The following CHRNA7 variants were observed in gnomAD, a reference collection of about 807,000 sequenced individuals.
CHRNA7 encodes cholinergic receptor nicotinic alpha 7 subunit.
Under a neutral mutation model 48.0 loss-of-function variants are expected in CHRNA7, and 17 were observed. That is an observed-to-expected ratio of 0.35 (90% CI 0.24 to 0.53). CHRNA7 has a LOEUF of 0.53. Among genes scored for constraint, CHRNA7 ranks in the 20% least tolerant of loss-of-function variants. CHRNA7 has a pLI of 0.92. For synonymous variants in CHRNA7, 75 were observed against 242.3 expected, an observed-to-expected ratio of 0.31 and a Z score of 6.41; for missense variants, 155 against 577.7, an observed-to-expected ratio of 0.27 and a Z score of 7.50.
At chr15:32,152,738 G>C (rs907035105) in intron 4 of CHRNA7, among the ~76,000 whole-genome samples, 2 of 152,216 alleles carry the variant, frequency 1.3e-5, no homozygotes, top group Non-Finnish European at 2.9e-5. Context: ...GTGTTTGGGT[G>C]GGGGTATGGG....
chr15:32,054,167 A>G (rs935144167), intron 2 of CHRNA7, among the ~76,000 whole-genome samples: 1 of 152,216 alleles, frequency 6.6e-6, no homozygotes, highest in Non-Finnish European at 1.5e-5. Flanking sequence ...AAATGAGTTT[A>G]TAATCTAAAG....
At position 32,030,519 on chromosome 15, in the gene CHRNA7, C is replaced by T. The variant is rs1354279973; in HGVS notation, c.-76C>T. The T allele has an allele frequency of 4.5e-6, 6 of 1,335,136 alleles. No individual in the cohort carries two copies. The highest frequency in any genetic ancestry group is 5.7e-6 in the Non-Finnish European group (6 of 1,046,482). 82.7% of individuals were successfully genotyped at this position (1,335,136 alleles called of 1,614,324 possible). ...GCGCGAGCCGAGCGGCGAGGTGCCT[C>T]TGTGGCCGCAGGCGCAGGCCCGGGC... On this transcript the variant is annotated 5_prime_UTR_variant, in exon 1 of 10. Transcript: ENST00000306901.
intron 4 of CHRNA7, among the ~76,000 whole-genome samples, chr15:32,136,126 T>C (rs2051252299): frequency 6.6e-6 from 1 of 152,060 alleles, no homozygotes; most frequent in African/African-American, 2.4e-5. Flanking sequence ...AGCGAAGCAA[T>C]TGGCAAAGAT....
At chr15:32,070,923 A>G (rs1426918115) in intron 2 of CHRNA7, among the ~76,000 whole-genome samples, 1 of 151,918 alleles carries the variant, frequency 6.6e-6, no homozygotes, top group Non-Finnish European at 1.5e-5. Context: ...TCCTGACTTC[A>G]TGATCCGCCC....
chr15:32,136,130 C>T lies in CHRNA7; in HGVS notation c.351-17777C>T, dbSNP rs182091403. On this transcript the variant is annotated intron_variant, in intron 4 of 9. Coordinates refer to ENST00000306901, the MANE Select transcript of CHRNA7 (RefSeq NM_000746.6). ...GAGAAGCAGTGAGCGAAGCAATTGG[C>T]AAAGATTCAGGTACATGTAAACAGA... Among the ~76,000 whole-genome samples the T allele has an allele frequency of 3.1e-3, 477 of 152,064 alleles. 1 individual carries two copies. The highest frequency in any genetic ancestry group is 5.1e-3 in the Non-Finnish European group (345 of 67,992).
rs888301691 is a variant in CHRNA7, at chr15:32,111,647, T to C, written c.241-143T>C. ...TTTGGAAAGGATTTTTGAATTCCCA[T>C]TTTCATTATATTTTATAAATAGCAA... On this transcript the variant is annotated intron_variant, in intron 3 of 9. Coordinates refer to ENST00000306901, the MANE Select transcript of CHRNA7 (RefSeq NM_000746.6). The C allele has an allele frequency of 1.0e-5, 6 of 576,656 alleles. No individual in the cohort carries two copies. In the African/African-American group the frequency reaches 1.1e-4, roughly 11 times the overall value. The allele number at this position is 576,656 out of a possible 1,614,324, so 35.7% of individuals were successfully genotyped here.
chr15:32,109,119 C>T (rs1446135763), intron 3 of CHRNA7, among the ~76,000 whole-genome samples: 1 of 152,156 alleles, frequency 6.6e-6, no homozygotes, highest in East Asian at 1.9e-4. Context: ...ATGGCTACTC[C>T]ATAGAGAGAG....
chr15:32,074,369 T>G (rs927484335), intron 2 of CHRNA7, among the ~76,000 whole-genome samples: 2 of 144,984 alleles, frequency 1.4e-5, no homozygotes, highest in East Asian at 4.3e-4. Context: ...CATAACATAG[T>G]GTTAGAAGTT....
intron 2 of CHRNA7, among the ~76,000 whole-genome samples, chr15:32,084,729 C>T (rs771794924): frequency 1.3e-5 from 2 of 152,212 alleles, no homozygotes; most frequent in Non-Finnish European, 2.9e-5. Context: ...AGTGCAGCCT[C>T]GCTGACTGCT....
chr15:32,078,489 C>A (rs2050167330), intron 2 of CHRNA7, among the ~76,000 whole-genome samples: 1 of 151,902 alleles, frequency 6.6e-6, no homozygotes. Flanking sequence ...ACCTGTTTTT[C>A]TAGTCTCTGC....
intron 2 of CHRNA7, among the ~76,000 whole-genome samples, chr15:32,044,308 C>T (rs893715130): frequency 2.9e-5 from 3 of 105,072 alleles, no homozygotes; most frequent in South Asian, 3.4e-4. Context: ...GATGGAGTCT[C>T]GCTGTGTTGC....
intron 2 of CHRNA7, chr15:32,100,198 T>TC (rs1234714282): frequency 6.6e-6 from 1 of 152,094 alleles, no homozygotes; most frequent in East Asian, 1.9e-4. Context: ...TTGGGTCTTT[T>TC]TTTTTTTGAA....
At chr15:32,052,775 A>T (rs1595390006) in intron 2 of CHRNA7, among the ~76,000 whole-genome samples, 1 of 152,160 alleles carries the variant, frequency 6.6e-6, no homozygotes, top group African/African-American at 2.4e-5. Flanking sequence ...GATGAAAGAT[A>T]TAGTTAGATA....
chr15:32,152,511 G>T (rs1457980514), intron 4 of CHRNA7, among the ~76,000 whole-genome samples: 1 of 152,210 alleles, frequency 6.6e-6, no homozygotes, highest in Non-Finnish European at 1.5e-5. Context: ...GAGGCCGAGA[G>T]AGTGCGGGAA....
intron 2 of CHRNA7, among the ~76,000 whole-genome samples, chr15:32,080,368 A>G (rs1159494720): frequency 6.6e-6 from 1 of 152,208 alleles, no homozygotes; most frequent in Non-Finnish European, 1.5e-5. Flanking sequence ...AGCCTATAGA[A>G]TGTGAGAAAA....
Position 32,031,055 on chromosome 15 carries a change from A to G in CHRNA7, c.195+18A>G. 6.2e-7 allele frequency: 1 copy of G among 1,613,868 alleles called. No individual in the cohort carries two copies. Among genetic ancestry groups the G allele is most frequent in the Non-Finnish European group, 8.5e-7 (1 of 1,179,914 alleles). On this transcript the variant is annotated intron_variant, in intron 2 of 9. Transcript: ENST00000306901. ...TGGACGTGGTGAGTCCCGCCTGGCT[A>G]CAGGGCTGCCCTCTCCCCTTCCTGG...
At chr15:32,093,494 G>A (rs1309436329) in intron 2 of CHRNA7, among the ~76,000 whole-genome samples, 1 of 152,162 alleles carries the variant, frequency 6.6e-6, no homozygotes, top group African/African-American at 2.4e-5. Context: ...CCTCCCCCGG[G>A]CAAGCTCTCT....
At chr15:32,060,561 A>T (rs2049862915) in intron 2 of CHRNA7, among the ~76,000 whole-genome samples, 2 of 152,252 alleles carry the variant, frequency 1.3e-5, no homozygotes, top group Admixed American at 6.5e-5. Flanking sequence ...TTAAGAAAAC[A>T]CAAGAAAAGT....
At chr15:32,101,226 C>T (rs970293711) in intron 2 of CHRNA7, 77 bp from the exon 3 acceptor site, 2 of 1,475,480 alleles carry the variant, frequency 1.4e-6, no homozygotes, top group Non-Finnish European at 1.9e-6. Flanking sequence ...CAGTCAGATC[C>T]CCATGTGAAT....
Sources: allele counts gnomAD v4.1 joint callset (sites outside exome capture counted in the v4.1 genomes callset), GRCh38; gene constraint gnomAD v4.1.1; transcripts MANE v1.5; gene names NCBI Gene and HGNC (gene_info 2026-07-23, HGNC 2026-07-21).